Variants in MYO5C observed in about 807,000 individuals in gnomAD.
The protein encoded by MYO5C is myosin VC.
A neutral mutation model predicts 235.7 loss-of-function variants in MYO5C; 194 were observed. The ratio of observed to expected loss-of-function variants is 0.82; its 90% CI spans 0.73 to 0.93. The LOEUF (loss-of-function observed/expected upper bound fraction) is 0.93, where lower values mean the gene tolerates loss of function less well. Among genes scored for constraint, MYO5C ranks in the 40% least tolerant of loss-of-function variants. The pLI, the probability that MYO5C is intolerant of heterozygous loss-of-function variation, is 0.00. For missense variants in MYO5C, 2,038 were observed against 2,127.2 expected (o/e 0.96, Z 0.82); for synonymous variants, 707 against 754.8 (o/e 0.94, Z 1.04).
intron 1 of MYO5C, among the ~76,000 whole-genome samples, chr15:52,287,638 G>C (rs1223259315): frequency 1.3e-5 from 2 of 152,174 alleles, no homozygotes; most frequent in African/African-American, 4.8e-5. Context: ...TCTACTCCAA[G>C]TTGTTTGTCA....
At chr15:52,207,711 A>C (rs2035352124) in intron 36 of MYO5C, among the ~76,000 whole-genome samples, 1 of 152,198 alleles carries the variant, frequency 6.6e-6, no homozygotes, top group East Asian at 1.9e-4. Context: ...CTGTGTGACA[A>C]GGGACTTCAT....
intron 8 of MYO5C, among the ~76,000 whole-genome samples, chr15:52,266,820 A>T (rs754820231): frequency 6.6e-5 from 10 of 152,212 alleles, no homozygotes; most frequent in African/African-American, 1.2e-4. Context: ...GTGAAGGAAA[A>T]GTTTGAGCTG....
chr15:52,262,615 T>A (rs1471451350), intron 9 of MYO5C, among the ~76,000 whole-genome samples: 1 of 152,084 alleles, frequency 6.6e-6, no homozygotes, highest in Non-Finnish European at 1.5e-5. Context: ...GCAGGCAGGA[T>A]GGGATGGACG....
intron 30 of MYO5C, 27 bp downstream of exon 30, chr15:52,221,135 A>C (rs780703613): frequency 1.9e-6 from 3 of 1,570,134 alleles, no homozygotes; most frequent in Non-Finnish European, 2.6e-6. Context: ...CGTTTTCTAA[A>C]AGCAGGTTAA....
At chr15:52,269,923 CAGA>C (rs1448926062) in intron 7 of MYO5C, 63 bp from the exon 8 acceptor site, 2 of 1,123,012 alleles carry the variant, frequency 1.8e-6, no homozygotes, top group Non-Finnish European at 2.7e-6. Context: ...ACACATTTAT[CAGA>C]AGAAGGGAAG....
intron 23 of MYO5C, among the ~76,000 whole-genome samples, chr15:52,234,915 C>T (rs116286902): frequency 7.9e-5 from 12 of 152,164 alleles, no homozygotes; most frequent in Non-Finnish European, 1.5e-4. Context: ...GCTGCCCCCA[C>T]GTTGGAGCTC....
intron 25 of MYO5C, among the ~76,000 whole-genome samples, chr15:52,228,725 T>A (rs1387070155): frequency 1.3e-5 from 2 of 152,248 alleles, no homozygotes; most frequent in African/African-American, 4.8e-5. Context: ...GTGCATTGGA[T>A]AATTGTTTTA....
chr15:52,294,954 G>A (rs559423558), intron 1 of MYO5C, among the ~76,000 whole-genome samples: 2 of 152,328 alleles, frequency 1.3e-5, no homozygotes, highest in African/African-American at 4.8e-5. Flanking sequence ...ACTGCACCTC[G>A]TGGCCCCTGG....
chr15:52,199,224 TG>T (rs2035127619), intron 38 of MYO5C, among the ~76,000 whole-genome samples: 1 of 152,194 alleles, frequency 6.6e-6, no homozygotes, highest in African/African-American at 2.4e-5. Context: ...AGGTTTCTAA[TG>T]GGGCTCCCAT....
chr15:52,278,724 C>A, intron 4 of MYO5C, 149 bp downstream of exon 4: 3 of 890,642 alleles, frequency 3.4e-6, no homozygotes, highest in Non-Finnish European at 1.7e-6. Flanking sequence ...GTTTGCTATT[C>A]ATTCCAGGTA....
intron 1 of MYO5C, among the ~76,000 whole-genome samples, chr15:52,289,233 C>G (rs1351695724): frequency 9.3e-5 from 14 of 150,992 alleles, no homozygotes; most frequent in Admixed American, 9.2e-4. Flanking sequence ...CCAGCCTCTT[C>G]TCATGATAGG....
intron 38 of MYO5C, 99 bp from the exon 39 acceptor site, chr15:52,196,582 G>A: frequency 8.8e-7 from 1 of 1,132,492 alleles, no homozygotes; most frequent in African/African-American, 1.5e-5. Context: ...AGATCCTTAA[G>A]ACCACAGCTC....
At chr15:52,248,293 C>G (rs545059022) in intron 14 of MYO5C, among the ~76,000 whole-genome samples, 1 of 152,084 alleles carries the variant, frequency 6.6e-6, no homozygotes, top group African/African-American at 2.4e-5. Flanking sequence ...ACAGGCATGT[C>G]ACCATTCCCT....
chr15:52,199,743 G>A (rs1216143021), intron 38 of MYO5C, among the ~76,000 whole-genome samples: 2 of 152,102 alleles, frequency 1.3e-5, no homozygotes, highest in Non-Finnish European at 2.9e-5. Context: ...GGCGAAGGAG[G>A]CCAGAAGGAA....
chr15:52,252,118 T>C (rs2036485618), intron 12 of MYO5C, among the ~76,000 whole-genome samples: 1 of 152,240 alleles, frequency 6.6e-6, no homozygotes, highest in African/African-American at 2.4e-5. Context: ...TCAAAGTCTC[T>C]TTAGAAGAAC....
chr15:52,253,440 T>C lies in MYO5C; in HGVS notation c.1413A>G (p.Glu471=). 6.2e-7 allele frequency: 1 copy of C among 1,612,960 alleles called. No individual in the cohort carries two copies. The highest frequency in any genetic ancestry group is 1.1e-5 in the South Asian group (1 of 90,748). Reference sequence around the variant, plus strand: ...TATCTTCCTTCATGTATTCTTCTTGTTCCAGTTTGAAGACATGCTGGGAAT... The same window carrying C: ...TATCTTCCTTCATGTATTCTTCTTGCTCCAGTTTGAAGACATGCTGGGAAT... ...QQFNMHVFKL[E]QEEYMKEDIP... is the part of the protein sequence containing the mutation. The change falls in exon 12 of 41, where the codon GAA becomes GAG. Residue 471 remains glutamate (E), a synonymous_variant. Coordinates refer to ENST00000261839, the MANE Select transcript of MYO5C (RefSeq NM_018728.4).
At chr15:52,211,478 C>G (rs2035439978) in intron 35 of MYO5C, among the ~76,000 whole-genome samples, 1 of 152,184 alleles carries the variant, frequency 6.6e-6, no homozygotes, top group South Asian at 2.1e-4. Context: ...ACTTTACACC[C>G]TAAGGGGATA....
rs370937670 is a variant in MYO5C, at chr15:52,239,819, G to A, written c.2617C>T (p.Arg873Cys). ...QKYARAWLAR[R>C]RFQSIRRFVL... ...AATCGTCGGATACTCTGGAATCTGC[G>A]TCTGGCCAGCCACGCCCGTGCGTAT... Residue 873 changes from arginine to cysteine, a missense_variant, in exon 21 of 41, where the codon CGC (arginine) becomes TGC (cysteine). Arg to Cys is a radical substitution (Grantham distance 180). Transcript: ENST00000261839. The A allele has an allele frequency of 1.1e-4, 176 of 1,613,812 alleles. No individual in the cohort carries two copies. The highest frequency in any genetic ancestry group is 3.6e-4 in the East Asian group (16 of 44,884).
chr15:52,286,180 A>C (rs2037264059), intron 1 of MYO5C, among the ~76,000 whole-genome samples: 1 of 146,702 alleles, frequency 6.8e-6, no homozygotes, highest in Non-Finnish European at 1.5e-5. Context: ...TGGGAGGAGA[A>C]GAGTGTCTCC....
Sources: allele counts gnomAD v4.1 joint callset (sites outside exome capture counted in the v4.1 genomes callset), GRCh38; gene constraint gnomAD v4.1.1; transcripts MANE v1.5; gene names NCBI Gene and HGNC (gene_info 2026-07-23, HGNC 2026-07-21).